The following INKA2 variants were observed in gnomAD, a reference collection of about 807,000 sequenced individuals.
The protein encoded by INKA2 is inka box actin regulator 2, also known as PAK4-inhibitor INKA2.
Under a neutral mutation model 9.8 loss-of-function variants are expected in INKA2, and 3 were observed. The observed-to-expected ratio is 0.31, with a 90% CI of 0.14 to 0.79. The LOEUF (loss-of-function observed/expected upper bound fraction) is 0.79, where lower values mean the gene tolerates loss of function less well. Among genes scored for constraint, INKA2 ranks in the 30% least tolerant of loss-of-function variants. INKA2 has a pLI of 0.62. For missense variants in INKA2, 392 were observed against 384.4 expected (o/e 1.02, Z -0.17); for synonymous variants, 147 against 143.3 (o/e 1.03, Z -0.18).
In INKA2 at chr1:111,727,790, C is replaced by T; in HGVS notation, c.72G>A (p.Glu24=). 6.2e-7 allele frequency: 1 copy of T among 1,606,422 alleles called. No individual in the cohort carries two copies. The highest frequency in any genetic ancestry group is 8.5e-7 in the Non-Finnish European group (1 of 1,179,984). Residue 24 remains glutamate, a synonymous_variant, in exon 2 of 2, where the codon GAG becomes GAA. Transcript: ENST00000357260. ...TCTGATCCTGTAAGCCATCACCCAC[C>T]TCCTTCATGGACATCTGCAGGGGAG... ...RLKQELMSMK[E]VGDGLQDQMN... is the part of the protein sequence containing the mutation.
intron 1 of INKA2, among the ~76,000 whole-genome samples, chr1:111,736,039 C>T (rs779149915): frequency 2.6e-5 from 4 of 152,198 alleles, no homozygotes; most frequent in Admixed American, 1.3e-4. Context: ...CCTGTGTCTA[C>T]CCCCACTTAT....
At chr1:111,738,090 A>T (rs1215231353) in intron 1 of INKA2, among the ~76,000 whole-genome samples, 1 of 152,200 alleles carries the variant, frequency 6.6e-6, no homozygotes, top group African/African-American at 2.4e-5. Context: ...GGCTCTGTAA[A>T]GTAAGAAGAA....
chr1:111,729,780 G>C (rs1662864523), intron 1 of INKA2, among the ~76,000 whole-genome samples: 1 of 152,252 alleles, frequency 6.6e-6, no homozygotes, highest in Non-Finnish European at 1.5e-5. Context: ...CTGGGCTGCA[G>C]CTGACCCTCT....
At chr1:111,728,056 C>T (rs549571446) in intron 1 of INKA2, among the ~76,000 whole-genome samples, 3 of 151,616 alleles carry the variant, frequency 2.0e-5, no homozygotes, top group Admixed American at 1.3e-4. Flanking sequence ...CACACACACA[C>T]ACACACACAC....
At chr1:111,739,097 C>T (rs1448153441) in intron 1 of INKA2, 89 bp downstream of exon 1, 8 of 1,311,086 alleles carry the variant, frequency 6.1e-6, no homozygotes, top group African/African-American at 5.8e-5. Context: ...GCCCTGCTTA[C>T]GTCCCGGCTC....
Position 111,726,178 on chromosome 1 carries a change from T to C in INKA2, c.*790A>G, listed in dbSNP as rs900284201. 1.8e-5 allele frequency: 7 copies of C among 397,904 alleles called. No individual in the cohort carries two copies. The highest frequency in any genetic ancestry group is 7.1e-5 in the East Asian group (2 of 28,056). 24.6% of individuals were successfully genotyped at this position (397,904 alleles called of 1,614,324 possible). On this transcript the variant is annotated 3_prime_UTR_variant, in exon 2 of 2. Transcript: ENST00000357260. ...GCATATCTAGGCTTGTTTCCTTATC[T>C]GGAAAATGGGATCATGCCTGCCTGC...
rs3738299 is a variant in INKA2, at chr1:111,739,277, G to T, written c.-35C>A. ...TGTCGGGTTCGGTTCAAACAGAGAG[G>T]GCCCGGGTGAAACCCCGGCCCCACT... On this transcript the variant is annotated 5_prime_UTR_variant, in exon 1 of 2. Transcript: ENST00000357260. 0.04 allele frequency: 64,780 copies of T among 1,612,674 alleles called. 1,547 individuals carry two copies. The highest frequency in any genetic ancestry group is 0.093 in the Admixed American group (5,583 of 59,916).
chr1:111,752,425 C>G lies in INKA2; in HGVS notation n.124+3276G>C, dbSNP rs1022992444. Among the ~76,000 whole-genome samples, 13 of 152,328 alleles carry G rather than the reference C, an allele frequency of 8.5e-5. No individual in the cohort carries two copies. In the South Asian group the frequency reaches 2.7e-3, roughly 32 times the overall value. On this transcript the variant is annotated intron_variant and non_coding_transcript_variant, in intron 1 of 1. Transcript: ENST00000444059. ...GCATCTGTCTCCCCAAGTGCAGAGG[C>G]TCTGTTTACTTTGTTCCATTTTTGT...
intron 1 of INKA2, among the ~76,000 whole-genome samples, chr1:111,736,405 G>A (rs539933135): frequency 3.5e-4 from 53 of 152,324 alleles, no homozygotes; most frequent in Middle Eastern, 6.8e-3. Context: ...TTGGTTTTCA[G>A]AAACACACTC....
At chr1:111,728,916 T>TTTTTTTTTG (rs1662847859) in intron 1 of INKA2, among the ~76,000 whole-genome samples, 1 of 150,566 alleles carries the variant, frequency 6.6e-6, no homozygotes, top group African/African-American at 2.4e-5. Flanking sequence ...TTTTTTTTTT[T>TTTTTTTTTG]TTTCAAACAG....
chr1:111,741,610 G>T (rs1353945547), upstream of INKA2, among the ~76,000 whole-genome samples: 3 of 152,324 alleles, frequency 2.0e-5, no homozygotes, highest in East Asian at 5.8e-4. Flanking sequence ...ACCACAAAAG[G>T]GTTCCCCAAC....
chr1:111,733,313 C>T (rs1352712546), intron 1 of INKA2, among the ~76,000 whole-genome samples: 2 of 152,192 alleles, frequency 1.3e-5, no homozygotes, highest in African/African-American at 2.4e-5. Flanking sequence ...GTATCGCCTC[C>T]ATCATCCTGA....
upstream of INKA2, among the ~76,000 whole-genome samples, chr1:111,743,008 T>C (rs768889884): frequency 2.0e-5 from 3 of 152,200 alleles, no homozygotes; most frequent in Non-Finnish European, 4.4e-5. Flanking sequence ...GTGGCAAAAG[T>C]AGGAAAAATA....
At chr1:111,745,293 A>ATATATTT (rs1358304932) in intron 1 of INKA2, 5 of 49,268 alleles carry the variant, frequency 1.0e-4, no homozygotes, top group East Asian at 8.0e-4. Flanking sequence ...ATATATATAT[A>ATATATTT]TTTTTTTTTT....
upstream of INKA2, among the ~76,000 whole-genome samples, chr1:111,742,822 G>A (rs979381508): frequency 2.0e-5 from 3 of 152,240 alleles, no homozygotes; most frequent in African/African-American, 4.8e-5. Context: ...CAAGACTTTG[G>A]AGGACAATTA....
intron 1 of INKA2, 88 bp from the exon 2 acceptor site, chr1:111,727,892 A>G: frequency 7.8e-7 from 1 of 1,276,070 alleles, no homozygotes; most frequent in Non-Finnish European, 1.1e-6. Flanking sequence ...CCCCACCCAA[A>G]CATACACTTC....
rs1557908482 is a variant in INKA2 at position 111,727,363 on chromosome 1, C to G, written c.499G>C (p.Gly167Arg). The change falls in exon 2 of 2, where the codon GGC (glycine) becomes CGC (arginine). Residue 167 changes from glycine (G) to arginine (R), a missense_variant. Gly to Arg is a moderately radical substitution (Grantham distance 125). Coordinates refer to ENST00000357260, the MANE Select transcript of INKA2 (RefSeq NM_019099.5). ...AGTTCTGGCAAGTCTAGCCAATTGC[C>G]CACCAGGTCTGCAAAAACGTTGTCC... ...LGDNVFADLV[G>R]NWLDLPELEK... The G allele has an allele frequency of 6.2e-7, 1 of 1,613,996 alleles. No individual in the cohort carries two copies. Among genetic ancestry groups the G allele is most frequent in the East Asian group, 2.2e-5 (1 of 44,880 alleles).
At chr1:111,749,408 CTG>C (rs763603383) in intron 1 of INKA2, among the ~76,000 whole-genome samples, 75 of 147,098 alleles carry the variant, frequency 5.1e-4, no homozygotes, top group Non-Finnish European at 8.3e-4. Context: ...GGTAACTATG[CTG>C]TGTGTGTTGG....
upstream of INKA2, chr1:111,739,770 A>G (rs1260923853): frequency 6.5e-6 from 1 of 152,768 alleles, no homozygotes; most frequent in Non-Finnish European, 1.5e-5. Flanking sequence ...CCAAACTCCG[A>G]TCAGGAAGGG....
Sources: gnomAD v4.1 joint callset for allele counts (sites outside exome capture counted in the v4.1 genomes callset) on GRCh38, gnomAD v4.1.1 for gene constraint, MANE v1.5 for transcripts, NCBI Gene and HGNC (gene_info 2026-07-23, HGNC 2026-07-21) for gene names.